CHSY3: variants seen among roughly 807,000 people sequenced by gnomAD.
The protein encoded by CHSY3 is N-acetylgalactosaminyl-proteoglycan 3-beta-glucuronosyltransferase 3.
A neutral mutation model predicts 67.2 loss-of-function variants in CHSY3; 35 were observed. The observed-to-expected ratio is 0.52, with a 90% CI of 0.40 to 0.69. CHSY3 has a LOEUF of 0.69. Ranked by LOEUF, CHSY3 falls within the 30% of genes least tolerant of loss-of-function variation. CHSY3 has a pLI of 0.00. For missense variants in CHSY3, 1,069 were observed against 1,138.5 expected (o/e 0.94, Z 0.88); for synonymous variants, 474 against 434.7 (o/e 1.09, Z -1.12).
rs202108449 is a variant in CHSY3, at chr5:130,082,139, CA to C, written c.1087-102087del. Among the ~76,000 whole-genome samples the C allele has an allele frequency of 8.3e-4, 126 of 152,036 alleles. 2 individuals are homozygous for C. The East Asian group carries it at 0.02, about 24-fold the overall frequency. On this transcript the variant is annotated intron_variant, in intron 2 of 2. Transcript: ENST00000305031. ...ATCTGAATCCAGGTTAACCAGAACCCAAATGTTAGCATTTGTCTCCAAACCC... is the reference window on the plus strand; with the variant it reads ...ATCTGAATCCAGGTTAACCAGAACCCAATGTTAGCATTTGTCTCCAAACCC...
chr5:129,997,575 A>G (rs6896818), intron 2 of CHSY3, among the ~76,000 whole-genome samples: 151,789 of 152,184 alleles, frequency 1, 75,698 homozygotes, highest in Middle Eastern at 1. Context: ...TGTTACATAG[A>G]TATACATGTG....
intron 2 of CHSY3, among the ~76,000 whole-genome samples, chr5:129,966,815 T>A (rs1239366246): frequency 6.6e-6 from 1 of 151,830 alleles, no homozygotes; most frequent in Non-Finnish European, 1.5e-5. Flanking sequence ...ATGAAAAAAG[T>A]CACTAAGAAG....
intron 2 of CHSY3, among the ~76,000 whole-genome samples, chr5:130,035,227 C>T (rs1259846206): frequency 6.6e-6 from 1 of 151,724 alleles, no homozygotes; most frequent in Non-Finnish European, 1.5e-5. Flanking sequence ...GTAACTTGGG[C>T]CAGGATAATT....
At chr5:130,056,328 T>C (rs189862330) in intron 2 of CHSY3, among the ~76,000 whole-genome samples, 1 of 152,200 alleles carries the variant, frequency 6.6e-6, no homozygotes, top group South Asian at 2.1e-4. Context: ...GATTTAAAAT[T>C]TGCTTCTCTG....
intron 2 of CHSY3, among the ~76,000 whole-genome samples, chr5:130,168,737 G>A (rs573141056): frequency 6.6e-6 from 1 of 151,942 alleles, no homozygotes; most frequent in Non-Finnish European, 1.5e-5. Context: ...TTAGGCCTAG[G>A]CTACACTCTA....
At chr5:129,926,093 G>A (rs906423788) in intron 2 of CHSY3, among the ~76,000 whole-genome samples, 4 of 151,922 alleles carry the variant, frequency 2.6e-5, no homozygotes, top group Non-Finnish European at 5.9e-5. Context: ...AATATATTCT[G>A]TCATTGAGAG....
At chr5:130,066,734 G>T (rs187523685) in intron 2 of CHSY3, among the ~76,000 whole-genome samples, 2 of 152,192 alleles carry the variant, frequency 1.3e-5, no homozygotes, top group Non-Finnish European at 2.9e-5. Context: ...AAAATAAGGA[G>T]TCATCTACTC....
intron 2 of CHSY3, among the ~76,000 whole-genome samples, chr5:129,965,977 A>T (rs1554073205): frequency 6.6e-6 from 1 of 151,910 alleles, no homozygotes; most frequent in Non-Finnish European, 1.5e-5. Flanking sequence ...TCTGTCCATC[A>T]GACACATATT....
intron 2 of CHSY3, among the ~76,000 whole-genome samples, chr5:130,058,773 C>T (rs73785866): frequency 0.064 from 9,819 of 152,284 alleles, 1,086 homozygotes; most frequent in African/African-American, 0.22. Flanking sequence ...TTCTCTTATT[C>T]TTCTGGAGGC....
chr5:129,929,031 A>T (rs1330974898), intron 2 of CHSY3, among the ~76,000 whole-genome samples: 2 of 152,332 alleles, frequency 1.3e-5, no homozygotes, highest in African/African-American at 4.8e-5. Flanking sequence ...AATTCTGCTT[A>T]TGAGTTCAAA....
intron 2 of CHSY3, among the ~76,000 whole-genome samples, chr5:130,010,596 C>G (rs968020554): frequency 6.6e-6 from 1 of 152,092 alleles, no homozygotes; most frequent in Non-Finnish European, 1.5e-5. Context: ...CAAGAGCAAA[C>G]AAAGCCCAAA....
At chr5:130,064,036 C>T (rs1041536182) in intron 2 of CHSY3, among the ~76,000 whole-genome samples, 1 of 152,026 alleles carries the variant, frequency 6.6e-6, no homozygotes, top group Non-Finnish European at 1.5e-5. Flanking sequence ...GGAGGAATTA[C>T]TCATATGGAC....
chr5:129,904,119 G>T (rs1013548044), upstream of CHSY3, among the ~76,000 whole-genome samples: 8 of 152,030 alleles, frequency 5.3e-5, no homozygotes, highest in African/African-American at 1.4e-4. Context: ...CCCCAGACAC[G>T]AGTGTCGGGA....
At chr5:129,956,960 T>G (rs1365891683) in intron 2 of CHSY3, among the ~76,000 whole-genome samples, 3 of 152,136 alleles carry the variant, frequency 2.0e-5, no homozygotes, top group Non-Finnish European at 4.4e-5. Flanking sequence ...ATTTTTGGTT[T>G]CATATTAATT....
intron 2 of CHSY3, among the ~76,000 whole-genome samples, chr5:129,965,537 A>G (rs1003724513): frequency 1.3e-5 from 2 of 151,782 alleles, no homozygotes; most frequent in Non-Finnish European, 2.9e-5. Flanking sequence ...GTGCACCTTG[A>G]GGTTACTCCA....
chr5:130,098,269 G>T (rs547970220), intron 2 of CHSY3, among the ~76,000 whole-genome samples: 1 of 152,112 alleles, frequency 6.6e-6, no homozygotes, highest in Admixed American at 6.5e-5. Context: ...GCATCTATAT[G>T]CAGTACTTTA....
At chr5:129,963,719 T>C (rs1222185456) in intron 2 of CHSY3, among the ~76,000 whole-genome samples, 1 of 152,010 alleles carries the variant, frequency 6.6e-6, no homozygotes, top group Non-Finnish European at 1.5e-5. Flanking sequence ...TTATGTCATC[T>C]GACTCAGAAA....
rs181478424 is a variant in CHSY3, at chr5:129,961,200, C to T, written c.1086+52840C>T. On this transcript the variant is annotated intron_variant, in intron 2 of 2. Transcript: ENST00000305031. Reference sequence around the variant, plus strand: ...AATTCAGTATTTCTGACATTGCTAACGTTGCTCAAAATGCTTACTTTTCTA... The same window carrying T: ...AATTCAGTATTTCTGACATTGCTAATGTTGCTCAAAATGCTTACTTTTCTA... Among the ~76,000 whole-genome samples the T allele has an allele frequency of 6.1e-4, 93 of 152,106 alleles. 2 individuals carry two copies. The highest frequency in any genetic ancestry group is 1.9e-3 in the African/African-American group (80 of 41,530).
chr5:129,978,777 C>T (rs1054414812), intron 2 of CHSY3, among the ~76,000 whole-genome samples: 11 of 152,022 alleles, frequency 7.2e-5, no homozygotes, highest in Non-Finnish European at 4.4e-5. Flanking sequence ...TTTTAATCTA[C>T]CCGAAAAAGG....
Sources: allele counts gnomAD v4.1 joint callset (sites outside exome capture counted in the v4.1 genomes callset), GRCh38; gene constraint gnomAD v4.1.1; transcripts MANE v1.5; gene names NCBI Gene and HGNC (gene_info 2026-07-23, HGNC 2026-07-21).